The following CLNK variants were observed in gnomAD, a reference collection of about 807,000 sequenced individuals.
CLNK encodes the protein cytokine-dependent hematopoietic cell linker.
In CLNK, 74 loss-of-function variants were observed where a neutral mutation model predicts 68.6. The ratio of observed to expected loss-of-function variants is 1.08; its 90% CI spans 0.89 to 1.31. The LOEUF (loss-of-function observed/expected upper bound fraction) is 1.31. CLNK is among the 50% of genes most tolerant of loss of function. CLNK has a pLI of 0.00. For missense variants in CLNK, 553 were observed against 515.3 expected (o/e 1.07, Z -0.71); for synonymous variants, 198 against 172.2 (o/e 1.15, Z -1.17).
At chr4:10,536,402 C>T (rs560200733) in intron 11 of CLNK, among the ~76,000 whole-genome samples, 2 of 152,318 alleles carry the variant, frequency 1.3e-5, no homozygotes, top group South Asian at 4.1e-4. Context: ...GATATTACCA[C>T]CCATGTGGGC....
At chr4:10,600,146 CT>C (rs989342248) in intron 2 of CLNK, among the ~76,000 whole-genome samples, 23 of 151,596 alleles carry the variant, frequency 1.5e-4, no homozygotes, top group African/African-American at 4.6e-4. Context: ...TGGGCCCGAC[CT>C]TTTTTTTTCT....
At chr4:10,715,071 G>T in the CLNK span, among the ~76,000 whole-genome samples, 3 of 151,860 alleles carry the variant, frequency 2.0e-5, no homozygotes, top group Admixed American at 6.6e-5. Flanking sequence ...ACAATAAATT[G>T]CCTCAAATAC....
upstream of CLNK, among the ~76,000 whole-genome samples, chr4:10,689,414 C>T (rs374074732): frequency 6.6e-5 from 10 of 152,158 alleles, no homozygotes; most frequent in Non-Finnish European, 8.8e-5. Context: ...GGGTTACAGG[C>T]GTGAGCCACT....
chr4:10,620,777 C>G (rs1057492778), intron 2 of CLNK, among the ~76,000 whole-genome samples: 1 of 152,030 alleles, frequency 6.6e-6, no homozygotes, highest in East Asian at 1.9e-4. Context: ...TGCCATTTTA[C>G]AGATGAAGAA....
chr4:10,637,941 A>G (rs1361875568), intron 2 of CLNK, among the ~76,000 whole-genome samples: 1 of 152,040 alleles, frequency 6.6e-6, no homozygotes. Flanking sequence ...TCTCTTAAAG[A>G]GTCCCTTAAA....
intron 2 of CLNK, among the ~76,000 whole-genome samples, chr4:10,641,207 G>C (rs946688188): frequency 5.3e-5 from 8 of 152,098 alleles, no homozygotes; most frequent in African/African-American, 1.9e-4. Context: ...GTGTGGGGAG[G>C]CTTACTCAGT....
intron 2 of CLNK, among the ~76,000 whole-genome samples, chr4:10,618,601 G>T (rs892737048): frequency 6.6e-6 from 1 of 152,178 alleles, no homozygotes; most frequent in South Asian, 2.1e-4. Flanking sequence ...AAGAAATGAG[G>T]TTTAATTGGC....
At chr4:10,704,538 C>T in the CLNK span, among the ~76,000 whole-genome samples, 4 of 152,200 alleles carry the variant, frequency 2.6e-5, no homozygotes, top group Non-Finnish European at 5.9e-5. Context: ...GACCTCTTCC[C>T]TCCCTCCACT....
At chr4:10,634,597 A>G (rs1298680513) in intron 2 of CLNK, among the ~76,000 whole-genome samples, 2 of 152,098 alleles carry the variant, frequency 1.3e-5, no homozygotes, top group African/African-American at 2.4e-5. Flanking sequence ...TTTAGCGCTA[A>G]TTACTCTAAG....
At chr4:10,608,931 A>G (rs754616341) in intron 2 of CLNK, among the ~76,000 whole-genome samples, 2 of 152,142 alleles carry the variant, frequency 1.3e-5, no homozygotes, top group Admixed American at 6.5e-5. Context: ...TCACGTGGCC[A>G]AAAAAATCAT....
At chr4:10,638,565 T>C (rs1159741806) in intron 2 of CLNK, among the ~76,000 whole-genome samples, 1 of 152,230 alleles carries the variant, frequency 6.6e-6, no homozygotes, top group East Asian at 1.9e-4. Context: ...GGTATATTAA[T>C]TGTGAAAATC....
At chr4:10,529,649 G>A (rs1430485997) in intron 12 of CLNK, among the ~76,000 whole-genome samples, 1 of 152,164 alleles carries the variant, frequency 6.6e-6, no homozygotes, top group Non-Finnish European at 1.5e-5. Context: ...TCTAGTGGGT[G>A]GTTTGAAAGT....
Position 10,675,194 on chromosome 4 carries a change from A to G in CLNK, c.-42-7283T>C, listed in dbSNP as rs183558023. On this transcript the variant is annotated intron_variant, in intron 1 of 18. Transcript: ENST00000226951. ...TTGAGGGTTAAAGAATCACACCTAT[A>G]TTTTAGAAAACTAAAATAAAGAAAA... Among the ~76,000 whole-genome samples, 981 of 152,304 alleles carry G rather than the reference A, an allele frequency of 6.4e-3. 6 individuals are homozygous for G. Among genetic ancestry groups the G allele is most frequent in the African/African-American group, 0.022 (912 of 41,556 alleles).
chr4:10,497,584 G>T (rs2109021174), intron 18 of CLNK, among the ~76,000 whole-genome samples: 1 of 152,344 alleles, frequency 6.6e-6, no homozygotes, highest in East Asian at 1.9e-4. Context: ...TATTTGCCAA[G>T]ATAGTCAGTG....
the CLNK span, among the ~76,000 whole-genome samples, chr4:10,710,752 G>C: frequency 1.3e-5 from 2 of 152,136 alleles, no homozygotes; most frequent in East Asian, 1.9e-4. Context: ...TAATACTACA[G>C]ACATTACCTG....
intron 16 of CLNK, among the ~76,000 whole-genome samples, chr4:10,513,242 T>C (rs1717675599): frequency 6.6e-6 from 1 of 152,186 alleles, no homozygotes. Context: ...TCTGGAAACA[T>C]GCCAGTCAAA....
intron 17 of CLNK, among the ~76,000 whole-genome samples, chr4:10,506,876 T>G (rs1451065665): frequency 2.7e-5 from 4 of 148,518 alleles, no homozygotes; most frequent in Non-Finnish European, 6.0e-5. Context: ...CTCAGCTCAC[T>G]GCAAGCTCTG....
chr4:10,491,157 T>C (rs560098410), intron 18 of CLNK, among the ~76,000 whole-genome samples: 3 of 152,344 alleles, frequency 2.0e-5, no homozygotes, highest in African/African-American at 7.2e-5. Context: ...GAACCAAAAG[T>C]GAGCCCTATG....
chr4:10,733,743 T>G, the CLNK span, among the ~76,000 whole-genome samples: 2 of 152,226 alleles, frequency 1.3e-5, no homozygotes, highest in Admixed American at 1.3e-4. Context: ...TTGTATTTTG[T>G]CCAGAGATGC....
Sources: allele counts gnomAD v4.1 joint callset (sites outside exome capture counted in the v4.1 genomes callset), GRCh38; gene constraint gnomAD v4.1.1; transcripts MANE v1.5; gene names NCBI Gene and HGNC (gene_info 2026-07-23, HGNC 2026-07-21).